The following BRIP1 variants were observed in gnomAD, a reference collection of about 807,000 sequenced individuals.
The protein encoded by BRIP1 is BRCA1 interacting DNA helicase 1.
A neutral mutation model predicts 119.7 loss-of-function variants in BRIP1; 88 were observed. The ratio of observed to expected loss-of-function variants is 0.74; its 90% CI spans 0.62 to 0.88. BRIP1 has a LOEUF of 0.88. BRIP1 is among the 40% of genes least tolerant of loss of function. BRIP1 has a pLI of 0.00. For synonymous variants in BRIP1, 443 were observed against 496.5 expected, an observed-to-expected ratio of 0.89 and a Z score of 1.43; for missense variants, 1,259 against 1,455.4, an observed-to-expected ratio of 0.87 and a Z score of 2.20.
intron 17 of BRIP1, among the ~76,000 whole-genome samples, chr17:61,715,108 G>A (rs1420718404): frequency 6.6e-6 from 1 of 150,656 alleles, no homozygotes; most frequent in African/African-American, 2.4e-5. Context: ...GCTGAGGCAG[G>A]AGAATTGCTT....
rs1472632135 is a variant in BRIP1 at position 61,856,671 on chromosome 17, G to C, written c.379+387C>G. ...TTATGTAGGATACTGGCCTCAGAAGGCCAGGCAAACTTATCAAGAATGAAT... is the reference window on the plus strand; with the variant it reads ...TTATGTAGGATACTGGCCTCAGAAGCCCAGGCAAACTTATCAAGAATGAAT... On this transcript the variant is annotated intron_variant, in intron 4 of 19. Coordinates refer to ENST00000259008, the MANE Select transcript of BRIP1 (RefSeq NM_032043.3). The surrounding 1 kb of genome is among the most constrained non-coding windows in gnomAD (Gnocchi z 5.1). Among the ~76,000 whole-genome samples the C allele has an allele frequency of 6.6e-6, 1 of 152,098 alleles. No homozygotes were observed. Among genetic ancestry groups the C allele is most frequent in the Non-Finnish European group, 1.5e-5 (1 of 68,010 alleles).
chr17:61,773,209 T>A (rs1259363718), intron 14 of BRIP1, among the ~76,000 whole-genome samples: 2 of 151,930 alleles, frequency 1.3e-5, no homozygotes, highest in Non-Finnish European at 2.9e-5. Context: ...ACAAAAATTT[T>A]AAAAGAATTA....
In BRIP1 at chr17:61,768,414, T is replaced by TA. The variant is rs1357971544; in HGVS notation, c.2097+7986dup. Reference sequence around the variant, plus strand: ...TCACAGGAATTTTAGTTTGCAGTTCTAAAATACCTCTAACTTCAAAGGCAG... The same window carrying TA: ...TCACAGGAATTTTAGTTTGCAGTTCTAAAAATACCTCTAACTTCAAAGGCAG... On this transcript the variant is annotated intron_variant, in intron 14 of 19. Transcript: ENST00000259008. This position sits in a 1 kb window ranked among gnomAD's most constrained non-coding sequence, Gnocchi z 5.0. 6.6e-6 allele frequency among the ~76,000 whole-genome samples: 1 copy of TA among 152,184 alleles called. No homozygotes were observed. Among genetic ancestry groups the TA allele is most frequent in the Non-Finnish European group, 1.5e-5 (1 of 68,032 alleles).
In BRIP1 at chr17:61,801,461, T is replaced by A. The variant is rs587782731; in HGVS notation, c.932A>T (p.Tyr311Phe). ...AATTTTATGAACTCCATGATAAAAA[T>A]AGCAGGATTTTCCCTAGAAACAAAT... is the stretch of plus-strand genomic sequence containing the variant. ...LLDGKNGKSC[Y>F]FYHGVHKISD... is the part of the protein sequence containing the mutation. Residue 311 changes from tyrosine (Y) to phenylalanine (F), a missense_variant, in exon 8 of 20, where the codon TAT becomes TTT. By Grantham distance (22) the Tyr-to-Phe change is conservative (BLOSUM62 3). This residue lies in a region of BRIP1 where 501 missense variants were observed against 544.0 expected (regional missense o/e 0.92). Transcript: ENST00000259008. The A allele has an allele frequency of 1.2e-6, 2 of 1,611,120 alleles. No individual in the cohort carries two copies.
At chr17:61,826,396 A>G (rs1162198727) in intron 6 of BRIP1, among the ~76,000 whole-genome samples, 4 of 152,154 alleles carry the variant, frequency 2.6e-5, no homozygotes, top group Non-Finnish European at 5.9e-5. Context: ...TTGACAAATG[A>G]CACCCAATAA....
intron 17 of BRIP1, among the ~76,000 whole-genome samples, chr17:61,702,966 T>G (rs2061637081): frequency 1.5e-5 from 2 of 136,666 alleles, no homozygotes; most frequent in Non-Finnish European, 3.1e-5. Context: ...CTTGCGAGCA[T>G]CTGTTCTTTT....
intron 17 of BRIP1, among the ~76,000 whole-genome samples, chr17:61,714,507 A>G (rs1453233789): frequency 6.6e-6 from 1 of 152,174 alleles, no homozygotes; most frequent in Non-Finnish European, 1.5e-5. Flanking sequence ...ACAATAGGCT[A>G]TATCATATAG....
rs528887164 is a variant in BRIP1, at chr17:61,748,032, A to T, written c.2098-3441T>A. Among the ~76,000 whole-genome samples the T allele has an allele frequency of 2.0e-5, 3 of 151,512 alleles. No homozygotes were observed. The highest frequency in any genetic ancestry group is 7.3e-5 in the African/African-American group (3 of 41,310). On this transcript the variant is annotated intron_variant, in intron 14 of 19. Coordinates refer to ENST00000259008, the MANE Select transcript of BRIP1 (RefSeq NM_032043.3). The surrounding 1 kb of genome is among the most constrained non-coding windows in gnomAD (Gnocchi z 4.7). ...GGATTACAGGTGTGAGCCACTATGCACAGTCCTCTATGAAACATTTAAAGC... is the reference window on the plus strand; with the variant it reads ...GGATTACAGGTGTGAGCCACTATGCTCAGTCCTCTATGAAACATTTAAAGC...
Position 61,680,480 on chromosome 17 carries a change from C to CTT in BRIP1, c.*2814_*2815dup, listed in dbSNP as rs768910110. Among the ~76,000 whole-genome samples the CTT allele has an allele frequency of 3.5e-4, 43 of 124,068 alleles. 2 individuals carry two copies. In the East Asian group the frequency reaches 5.6e-3, roughly 16 times the overall value. The allele number at this position is 124,068 out of a possible 152,430, so 81.4% of individuals were successfully genotyped here. On this transcript the variant is annotated 3_prime_UTR_variant, in exon 20 of 20. Transcript: ENST00000259008. The stretch of plus-strand genomic sequence containing the variant: ...AGTTTACCAATTCTAAAGGTAATTT[C>CTT]TTTTTTTTTTTTTTTTTGAGACGGA...
intron 3 of BRIP1, among the ~76,000 whole-genome samples, chr17:61,858,230 C>T (rs2078925036): frequency 1.3e-5 from 2 of 152,082 alleles, no homozygotes; most frequent in Admixed American, 6.6e-5. Context: ...ATTGTTTTCC[C>T]ATTTGTACCA....
Position 61,765,423 on chromosome 17 carries a change from A to ATT in BRIP1, c.2097+10976_2097+10977dup, listed in dbSNP as rs1158741814. ...TATATATATATATATATATATATATATTTTTTTTTTTTTTTTTTTTTTTTT... is the reference window on the plus strand; with the variant it reads ...TATATATATATATATATATATATATATTTTTTTTTTTTTTTTTTTTTTTTTTT... On this transcript the variant is annotated intron_variant, in intron 14 of 19. Transcript: ENST00000259008. Among the ~76,000 whole-genome samples the ATT allele has an allele frequency of 1.5e-3, 12 of 8,236 alleles. 2 individuals are homozygous for ATT. The highest frequency in any genetic ancestry group is 1.9e-3 in the Non-Finnish European group (11 of 5,896). 5.4% of individuals were successfully genotyped at this position (8,236 alleles called of 152,430 possible).
rs1060501752 is a variant in BRIP1 at position 61,784,291 on chromosome 17, T to C, written c.1607A>G (p.Tyr536Cys). The C allele has an allele frequency of 2.5e-6, 4 of 1,612,990 alleles. No individual in the cohort carries two copies. The highest frequency in any genetic ancestry group is 1.3e-5 in the African/African-American group (1 of 74,912). Residue 536 changes from tyrosine to cysteine, a missense_variant, in exon 11 of 20, where the codon TAT becomes TGT. Transcript: ENST00000259008. ...MLKGLFMVLD[Y>C]LFRQNSRFAD... ...TTACCTGCTATTTTGCCTAAAAAGATAGTCAAGTACCATAAAAAGTCCTTT... is the reference window on the plus strand; with the variant it reads ...TTACCTGCTATTTTGCCTAAAAAGACAGTCAAGTACCATAAAAAGTCCTTT...
rs2144116548 is a variant in BRIP1 at position 61,686,096 on chromosome 17, G to A, written c.2645C>T (p.Ala882Val). 6.2e-7 allele frequency: 1 copy of A among 1,613,988 alleles called. No homozygotes were observed. Among genetic ancestry groups the A allele is most frequent in the South Asian group, 1.1e-5 (1 of 91,078 alleles). Residue 882 changes from alanine to valine, a missense_variant, in exon 19 of 20, where the codon GCT (alanine) becomes GTT (valine). Coordinates refer to ENST00000259008, the MANE Select transcript of BRIP1 (RefSeq NM_032043.3). The surrounding 1 kb of genome is among the most constrained non-coding windows in gnomAD (Gnocchi z 5.4). The part of the protein sequence containing the change: ...STFESALESL[A>V]EFSKKHQKVL... ...TTTTTGATGCTTTTTGGAAAATTCA[G>A]CCAAGGATTCCAGTGCACTTTCAAA... is the stretch of plus-strand genomic sequence containing the variant.
chr17:61,742,840 C>T lies in BRIP1; in HGVS notation c.2379+173G>A, dbSNP rs1227398464. Among the ~76,000 whole-genome samples, 1 of 152,122 alleles carries T rather than the reference C, an allele frequency of 6.6e-6. No individual in the cohort carries two copies. Among genetic ancestry groups the T allele is most frequent in the Non-Finnish European group, 1.5e-5 (1 of 68,022 alleles). ...TGAAACAGAAACAAGTGACCACATGCTGTTGGAAAAATGGTGCTGAAAGAC... is the reference window on the plus strand; with the variant it reads ...TGAAACAGAAACAAGTGACCACATGTTGTTGGAAAAATGGTGCTGAAAGAC... On this transcript the variant is annotated intron_variant, in intron 16 of 19. Transcript: ENST00000259008. This position sits in a 1 kb window ranked among gnomAD's most constrained non-coding sequence, Gnocchi z 4.7.
At position 61,803,008 on chromosome 17, in the gene BRIP1, T is replaced by C. The variant is rs929888636; in HGVS notation, c.919-1534A>G. Among the ~76,000 whole-genome samples the C allele has an allele frequency of 7.9e-5, 12 of 152,220 alleles. No homozygotes were observed. The highest frequency in any genetic ancestry group is 6.5e-4 in the Admixed American group (10 of 15,284). ...TTATAGTTTCTAGCAAAGTTTAACA[T>C]AGTGTTGTATGAATAGTCTAACAAG... On this transcript the variant is annotated intron_variant, in intron 7 of 19. Coordinates refer to ENST00000259008, the MANE Select transcript of BRIP1 (RefSeq NM_032043.3). This position sits in a 1 kb window ranked among gnomAD's most constrained non-coding sequence, Gnocchi z 4.3.
chr17:61,700,288 T>C lies in BRIP1; in HGVS notation c.2493-6776A>G, dbSNP rs531640763. Among the ~76,000 whole-genome samples the C allele has an allele frequency of 1.3e-5, 2 of 152,326 alleles. No individual in the cohort carries two copies. Among genetic ancestry groups the C allele is most frequent in the Non-Finnish European group, 2.9e-5 (2 of 68,036 alleles). ...TTACGTATGTCGTTAACTTTGTGGG[T>C]ATTCTTTATTTCATCGTGTGCATCT... On this transcript the variant is annotated intron_variant, in intron 17 of 19. Transcript: ENST00000259008. The surrounding 1 kb of genome is among the most constrained non-coding windows in gnomAD (Gnocchi z 4.1).
In BRIP1 at chr17:61,690,244, A is replaced by T. The variant is rs908952093; in HGVS notation, c.2575+3186T>A. ...GCCTGCTAAACAGCAACACAAAAGC[A>T]TAAAGTTTGCTCGTGAAGTTAAAAG... On this transcript the variant is annotated intron_variant, in intron 18 of 19. Transcript: ENST00000259008. The surrounding 1 kb of genome is among the most constrained non-coding windows in gnomAD (Gnocchi z 5.6). Among the ~76,000 whole-genome samples the T allele has an allele frequency of 1.3e-5, 2 of 152,258 alleles. No individual in the cohort carries two copies. Among genetic ancestry groups the T allele is most frequent in the Non-Finnish European group, 2.9e-5 (2 of 68,038 alleles).
intron 16 of BRIP1, among the ~76,000 whole-genome samples, chr17:61,728,411 C>G (rs1413389716): frequency 2.0e-5 from 3 of 151,964 alleles, no homozygotes; most frequent in Non-Finnish European, 4.4e-5. Context: ...AACACAGTCT[C>G]CAACTTCAGT....
chr17:61,733,352 A>C (rs1042827640), intron 16 of BRIP1, among the ~76,000 whole-genome samples: 1 of 152,050 alleles, frequency 6.6e-6, no homozygotes. Flanking sequence ...ACTCTGTCTC[A>C]AAAAAAATTT....
Sources: allele counts gnomAD v4.1 joint callset (sites outside exome capture counted in the v4.1 genomes callset), GRCh38; gene constraint gnomAD v4.1.1; regional missense constraint gnomAD v4.1.1; non-coding constraint Gnocchi (gnomAD v3.1); transcripts MANE v1.5; gene names NCBI Gene and HGNC (gene_info 2026-07-23, HGNC 2026-07-21).